Variants in SEL1L2 observed in about 807,000 individuals in gnomAD.
SEL1L2 encodes protein sel-1 homolog 2.
In SEL1L2, 89 loss-of-function variants were observed where a neutral mutation model predicts 98.8. The ratio of observed to expected loss-of-function variants is 0.90; its 90% CI spans 0.76 to 1.07. SEL1L2 has a LOEUF of 1.07. SEL1L2 is among the 50% of genes least tolerant of loss of function. The probability of loss-of-function intolerance (pLI) is 0.00; values close to 1 mark genes in which losing one functional copy is unlikely to be tolerated. For missense variants in SEL1L2, 788 were observed against 812.0 expected, an observed-to-expected ratio of 0.97 and a Z score of 0.36; for synonymous variants, 262 against 278.5, an observed-to-expected ratio of 0.94 and a Z score of 0.59.
At chr20:13,980,262 C>T (rs1257867047) in intron 1 of SEL1L2, among the ~76,000 whole-genome samples, 1 of 152,232 alleles carries the variant, frequency 6.6e-6, no homozygotes, top group African/African-American at 2.4e-5. Context: ...GTTGCCCAGG[C>T]TGGAGTGCAG....
chr20:13,909,210 G>C (rs1036022691), intron 5 of SEL1L2, among the ~76,000 whole-genome samples: 1 of 152,162 alleles, frequency 6.6e-6, no homozygotes, highest in Non-Finnish European at 1.5e-5. Flanking sequence ...AGTGCGGGCA[G>C]GATTTCTGTA....
At chr20:13,949,595 C>T (rs1319111128) in intron 2 of SEL1L2, among the ~76,000 whole-genome samples, 1 of 151,772 alleles carries the variant, frequency 6.6e-6, no homozygotes. Context: ...CCCAGGAGGC[C>T]GAGCTTGCAG....
At chr20:13,943,400 G>A (rs1452017819) in intron 2 of SEL1L2, among the ~76,000 whole-genome samples, 1 of 151,584 alleles carries the variant, frequency 6.6e-6, no homozygotes, top group Non-Finnish European at 1.5e-5. Context: ...CATGCAAGGA[G>A]CAGAAAATTA....
chr20:13,931,314 G>A (rs1037826810), intron 3 of SEL1L2, among the ~76,000 whole-genome samples: 2 of 152,070 alleles, frequency 1.3e-5, no homozygotes, highest in Admixed American at 6.5e-5. Flanking sequence ...ACAGGCGTGA[G>A]CCACCGCGCC....
intron 2 of SEL1L2, among the ~76,000 whole-genome samples, chr20:13,952,587 C>A (rs1326661275): frequency 6.6e-6 from 1 of 152,152 alleles, no homozygotes; most frequent in East Asian, 1.9e-4. Flanking sequence ...AGAGGACACT[C>A]TTCCTTCTCT....
rs762537845 is a variant in SEL1L2 at position 13,876,107 on chromosome 20, T to C, written c.1035A>G (p.Leu345=). 5.6e-6 allele frequency: 9 copies of C among 1,611,604 alleles called. No homozygotes were observed. Among genetic ancestry groups the C allele is most frequent in the Non-Finnish European group, 7.6e-6 (9 of 1,177,796 alleles). ...NAMAFIGKMY[L]EGNAAVPQNN... ...TTTGCGGCACGGCAGCATTCCCCTC[T>C]AAATACATCTAGGAAGAAAAATGAA... Residue 345 remains leucine, a synonymous_variant, in exon 12 of 20, where the codon TTA becomes TTG. Transcript: ENST00000284951.
At chr20:13,867,797 A>G (rs2045997440) in intron 14 of SEL1L2, among the ~76,000 whole-genome samples, 1 of 152,200 alleles carries the variant, frequency 6.6e-6, no homozygotes, top group Admixed American at 6.5e-5. Flanking sequence ...GAAATCTGGT[A>G]GATCCCAAGC....
Position 13,870,123 on chromosome 20 carries a change from T to G in SEL1L2, c.1167+18A>C, listed in dbSNP as rs1961780473. Reference sequence around the variant, plus strand: ...TAAATTGCTACAAATAAAAAGATAATAAAATAATTTAACTTACCAGGGGAA... The same window carrying G: ...TAAATTGCTACAAATAAAAAGATAAGAAAATAATTTAACTTACCAGGGGAA... On this transcript the variant is annotated intron_variant, in intron 13 of 19. Transcript: ENST00000284951. 6.5e-7 allele frequency: 1 copy of G among 1,537,388 alleles called. No homozygotes were observed.
chr20:13,939,040 G>GGTTTTTTGTTTTTT, intron 2 of SEL1L2, among the ~76,000 whole-genome samples: 1 of 114,072 alleles, frequency 8.8e-6, no homozygotes, highest in Non-Finnish European at 1.7e-5. Flanking sequence ...TGCTTGTTTT[G>GGTTTTTTGTTTTTT]TTTTTTTTTT....
At chr20:13,945,858 T>A (rs186853629) in intron 2 of SEL1L2, among the ~76,000 whole-genome samples, 1 of 152,134 alleles carries the variant, frequency 6.6e-6, no homozygotes, top group Non-Finnish European at 1.5e-5. Flanking sequence ...TAAATTGATG[T>A]AGAAAAAGAA....
intron 5 of SEL1L2, among the ~76,000 whole-genome samples, chr20:13,904,242 T>C (rs1051086570): frequency 1.3e-5 from 2 of 152,076 alleles, no homozygotes; most frequent in African/African-American, 4.8e-5. Context: ...AATATATATG[T>C]ATTTGGCCGG....
chr20:13,853,253 C>T (rs183265053), intron 18 of SEL1L2, among the ~76,000 whole-genome samples: 10 of 151,840 alleles, frequency 6.6e-5, no homozygotes, highest in African/African-American at 1.7e-4. Context: ...GGCTGGAGTA[C>T]GGTGGCAGGC....
Position 13,956,684 on chromosome 20 carries a change from CT to C in SEL1L2, c.59-554del, listed in dbSNP as rs34155207. 3.7e-3 allele frequency among the ~76,000 whole-genome samples: 562 copies of C among 151,860 alleles called. 4 individuals carry two copies. Among genetic ancestry groups the C allele is most frequent in the Middle Eastern group, 0.024 (7 of 292 alleles). On this transcript the variant is annotated intron_variant, in intron 1 of 19. Coordinates refer to ENST00000284951, the MANE Select transcript of SEL1L2 (RefSeq NM_025229.2). ...AATTTTTAATGAACCAATTTTAATA[CT>C]TTTTTTTATAAAGACTATATATATA...
intron 4 of SEL1L2, among the ~76,000 whole-genome samples, chr20:13,918,593 T>A (rs891757303): frequency 2.6e-5 from 4 of 152,296 alleles, no homozygotes; most frequent in African/African-American, 9.6e-5. Context: ...GTTCTGGGGA[T>A]AACATGGAAT....
At chr20:13,898,835 C>T (rs1288719451) in intron 5 of SEL1L2, among the ~76,000 whole-genome samples, 3 of 152,134 alleles carry the variant, frequency 2.0e-5, no homozygotes, top group Non-Finnish European at 2.9e-5. Context: ...CTCCGCCTCC[C>T]GGGTTCAAGA....
intron 1 of SEL1L2, among the ~76,000 whole-genome samples, chr20:13,974,762 C>T (rs1394304755): frequency 2.0e-5 from 3 of 152,124 alleles, no homozygotes; most frequent in South Asian, 4.1e-4. Context: ...GCCACTGCAC[C>T]AGGGCTCCTT....
At chr20:13,900,434 C>A (rs2047619927) in intron 5 of SEL1L2, among the ~76,000 whole-genome samples, 1 of 152,092 alleles carries the variant, frequency 6.6e-6, no homozygotes. Context: ...TGAAAAAGTG[C>A]CCACTTGTAA....
chr20:13,993,031 C>T (rs1295894871), upstream of SEL1L2, among the ~76,000 whole-genome samples: 1 of 152,076 alleles, frequency 6.6e-6, no homozygotes, highest in Non-Finnish European at 1.5e-5. Context: ...TAGTAAAGAC[C>T]ACCAGAAAGT....
intron 2 of SEL1L2, among the ~76,000 whole-genome samples, chr20:13,939,574 T>C (rs2049646641): frequency 6.6e-6 from 1 of 152,128 alleles, no homozygotes; most frequent in South Asian, 2.1e-4. Flanking sequence ...GCAACATGAC[T>C]GATGCTAATG....
Sources: gnomAD v4.1 joint callset for allele counts (sites outside exome capture counted in the v4.1 genomes callset) on GRCh38, gnomAD v4.1.1 for gene constraint, MANE v1.5 for transcripts, NCBI Gene and HGNC (gene_info 2026-07-23, HGNC 2026-07-21) for gene names.